ADGRL2: variants seen among roughly 807,000 people sequenced by gnomAD.
ADGRL2 encodes the protein adhesion G protein-coupled receptor L2, also known as calcium-independent alpha-latrotoxin receptor 2.
In ADGRL2, 44 loss-of-function variants were observed where a neutral mutation model predicts 157.4. The ratio of observed to expected loss-of-function variants is 0.28; its 90% CI spans 0.22 to 0.36. The LOEUF is 0.36. ADGRL2 is among the 10% of genes least tolerant of loss of function. ADGRL2 has a pLI of 1.00. For missense variants in ADGRL2, 1,510 were observed against 1,768.9 expected (o/e 0.85, Z 2.63); for synonymous variants, 585 against 624.7 (o/e 0.94, Z 0.95).
intron 2 of ADGRL2, among the ~76,000 whole-genome samples, chr1:81,446,793 G>GTAATATA (rs2077604893): frequency 6.6e-6 from 1 of 151,994 alleles, no homozygotes; most frequent in Non-Finnish European, 1.5e-5. Flanking sequence ...ATTTCCAAAG[G>GTAATATA]TAATATTAAA....
chr1:81,478,854 T>C (rs1314234977), intron 2 of ADGRL2, among the ~76,000 whole-genome samples: 2 of 152,162 alleles, frequency 1.3e-5, no homozygotes, highest in African/African-American at 4.8e-5. Flanking sequence ...TTTTTTTTCT[T>C]GTTTCAATGG....
At chr1:81,540,205 T>C (rs2148318677) in intron 2 of ADGRL2, among the ~76,000 whole-genome samples, 2 of 152,364 alleles carry the variant, frequency 1.3e-5, no homozygotes, top group East Asian at 1.9e-4. Context: ...CTTAAAACTT[T>C]TTTCCTAAAA....
intron 1 of ADGRL2, among the ~76,000 whole-genome samples, chr1:81,376,238 A>G (rs894164195): frequency 6.6e-6 from 1 of 152,190 alleles, no homozygotes; most frequent in Non-Finnish European, 1.5e-5. Flanking sequence ...GTTCCAGAGA[A>G]CCATTAGGCA....
At chr1:81,714,895 A>G (rs550824325) in intron 1 of ADGRL2, among the ~76,000 whole-genome samples, 29 of 150,870 alleles carry the variant, frequency 1.9e-4, no homozygotes, top group African/African-American at 6.8e-4. Flanking sequence ...TACTCAATGT[A>G]TCATAGGTGT....
chr1:81,859,399 A>C (rs2093317602), intron 2 of ADGRL2, among the ~76,000 whole-genome samples: 1 of 144,906 alleles, frequency 6.9e-6, no homozygotes. Context: ...TGACCATAGA[A>C]TAAAACCTTT....
Position 81,447,118 on chromosome 1 carries a change from T to C in ADGRL2, c.-248+2029T>C, listed in dbSNP as rs965123871. On this transcript the variant is annotated intron_variant, in intron 2 of 24. Coordinates refer to the ADGRL2 transcript ENST00000370721. Reference sequence around the variant, plus strand: ...TTTAAAGGGGCAAACGTTGGCAAAGTAGAAGTGATATTGTGAAGCGCATAT... The same window carrying C: ...TTTAAAGGGGCAAACGTTGGCAAAGCAGAAGTGATATTGTGAAGCGCATAT... Among the ~76,000 whole-genome samples, 10 of 152,258 alleles carry C rather than the reference T, an allele frequency of 6.6e-5. No homozygotes were observed. The East Asian group carries it at 7.7e-4, about 12-fold the overall frequency.
At chr1:81,530,847 G>A (rs558150685) in intron 2 of ADGRL2, among the ~76,000 whole-genome samples, 72 of 152,234 alleles carry the variant, frequency 4.7e-4, no homozygotes, top group Admixed American at 4.6e-3. Context: ...CACTTTGGGA[G>A]GCCAAGGCAG....
At chr1:81,593,987 G>A (rs2081182533) in intron 3 of ADGRL2, among the ~76,000 whole-genome samples, 1 of 152,134 alleles carries the variant, frequency 6.6e-6, no homozygotes, top group South Asian at 2.1e-4. Context: ...CACATAGATA[G>A]ACAACTATGT....
intron 9 of ADGRL2, 88 bp from the exon 10 acceptor site, chr1:81,952,899 A>G (rs2149096186): frequency 9.5e-7 from 1 of 1,053,582 alleles, no homozygotes; most frequent in Non-Finnish European, 1.5e-6. Context: ...GCTCTGGAAC[A>G]CCAGCTTAAT....
intron 2 of ADGRL2, among the ~76,000 whole-genome samples, chr1:81,851,450 ATCTTG>A (rs1401880007): frequency 3.3e-5 from 5 of 151,786 alleles, no homozygotes; most frequent in Non-Finnish European, 5.9e-5. Flanking sequence ...AATTCTTGTG[ATCTTG>A]TCTTGTGAAT....
intron 1 of ADGRL2, among the ~76,000 whole-genome samples, chr1:81,328,551 C>T (rs1557600527): frequency 6.6e-6 from 1 of 152,202 alleles, no homozygotes; most frequent in Admixed American, 6.5e-5. Context: ...TCTTGGAAAA[C>T]TTATTATAAA....
intron 1 of ADGRL2, among the ~76,000 whole-genome samples, chr1:81,356,228 T>C (rs1663276439): frequency 6.6e-6 from 1 of 152,212 alleles, no homozygotes; most frequent in Non-Finnish European, 1.5e-5. Flanking sequence ...CTAACAGGAA[T>C]GTTAAAAAAT....
chr1:81,928,344 G>C (rs1187645307), intron 3 of ADGRL2, among the ~76,000 whole-genome samples: 1 of 152,034 alleles, frequency 6.6e-6, no homozygotes, highest in Non-Finnish European at 1.5e-5. Context: ...GGCTGATTGA[G>C]GCATAATTGG....
chr1:81,856,256 C>A (rs1037775676), intron 2 of ADGRL2, among the ~76,000 whole-genome samples: 3 of 152,184 alleles, frequency 2.0e-5, no homozygotes, highest in Admixed American at 6.6e-5. Context: ...TTCCCCCTTG[C>A]AGTTTTGTTT....
chr1:81,415,622 C>T (rs2077019227), intron 1 of ADGRL2, among the ~76,000 whole-genome samples: 1 of 152,136 alleles, frequency 6.6e-6, no homozygotes, highest in Non-Finnish European at 1.5e-5. Context: ...GCTGTAAATG[C>T]TAATGTCTTT....
intron 1 of ADGRL2, among the ~76,000 whole-genome samples, chr1:81,720,222 A>T (rs1450267320): frequency 7.3e-6 from 1 of 137,708 alleles, no homozygotes; most frequent in South Asian, 2.3e-4. Flanking sequence ...TTGCTCTGTC[A>T]CCCTGGCTAG....
At chr1:81,748,712 G>C (rs2149258945) in intron 1 of ADGRL2, among the ~76,000 whole-genome samples, 1 of 151,874 alleles carries the variant, frequency 6.6e-6, no homozygotes, top group East Asian at 2.0e-4. Context: ...CTGTCACCCA[G>C]GCTGGGGTGC....
intron 1 of ADGRL2, among the ~76,000 whole-genome samples, chr1:81,377,357 T>A (rs1368653208): frequency 6.6e-6 from 1 of 152,192 alleles, no homozygotes; most frequent in Non-Finnish European, 1.5e-5. Context: ...CGGCATTTAA[T>A]CAATTCTCGG....
At chr1:81,336,318 G>C (rs1661641571) in intron 1 of ADGRL2, among the ~76,000 whole-genome samples, 1 of 152,148 alleles carries the variant, frequency 6.6e-6, no homozygotes, top group South Asian at 2.1e-4. Context: ...TCAAGGATTA[G>C]AAAAGGGAAT....
Sources: allele counts gnomAD v4.1 joint callset (sites outside exome capture counted in the v4.1 genomes callset), GRCh38; gene constraint gnomAD v4.1.1; transcripts MANE v1.5; gene names NCBI Gene and HGNC (gene_info 2026-07-23, HGNC 2026-07-21).